Variants in CFAP20DC observed in about 807,000 individuals in gnomAD.
CFAP20DC encodes protein CFAP20DC.
Under a neutral mutation model 101.7 loss-of-function variants are expected in CFAP20DC, and 84 were observed. The observed-to-expected ratio is 0.83, with a 90% CI of 0.69 to 0.99. CFAP20DC has a LOEUF of 0.99. Ranked by LOEUF, CFAP20DC falls within the 50% of genes least tolerant of loss-of-function variation. The pLI, the probability that CFAP20DC is intolerant of heterozygous loss-of-function variation, is 0.00. For missense variants in CFAP20DC, 1,007 were observed against 970.3 expected, an observed-to-expected ratio of 1.04 and a Z score of -0.50; for synonymous variants, 359 against 351.2, an observed-to-expected ratio of 1.02 and a Z score of -0.25.
intron 4 of CFAP20DC, among the ~76,000 whole-genome samples, chr3:58,969,068 T>A (rs1360876915): frequency 6.6e-6 from 1 of 152,206 alleles, no homozygotes; most frequent in Non-Finnish European, 1.5e-5. Flanking sequence ...CTGGTCTGTG[T>A]GCCTGTTTTT....
Position 58,868,381 on chromosome 3 carries a change from T to C in CFAP20DC, c.1016-445A>G, listed in dbSNP as rs1458666052. On this transcript the variant is annotated intron_variant, in intron 9 of 16. Transcript: ENST00000482387. This position sits in a 1 kb window ranked among gnomAD's most constrained non-coding sequence, Gnocchi z 4.6. ...GTCAAGCTGAAGAAGAACTTCTAAG[T>C]ACGATTTAATTTAGCAATAATAATA... Among the ~76,000 whole-genome samples the C allele has an allele frequency of 6.6e-6, 1 of 152,110 alleles. No homozygotes were observed.
intron 5 of CFAP20DC, among the ~76,000 whole-genome samples, chr3:58,923,752 T>C (rs1004109707): frequency 6.6e-6 from 1 of 152,196 alleles, no homozygotes; most frequent in African/African-American, 2.4e-5. Context: ...GCTTATGATT[T>C]GTTGAGCTTA....
rs557645413 is a variant in CFAP20DC, at chr3:58,724,701, G to A, written c.198-7073C>T. Among the ~76,000 whole-genome samples, 5 of 152,110 alleles carry A rather than the reference G, an allele frequency of 3.3e-5. No homozygotes were observed. Among genetic ancestry groups the A allele is most frequent in the Non-Finnish European group, 7.3e-5 (5 of 68,030 alleles). ...TATAGCATGGAGACCAGAGCTCGGC[G>A]CCTTTTGCAGCCTCCATTTTGCAAC... is the stretch of plus-strand genomic sequence containing the variant. On this transcript the variant is annotated intron_variant, in intron 3 of 3. Coordinates refer to the CFAP20DC transcript ENST00000486145. This position sits in a 1 kb window ranked among gnomAD's most constrained non-coding sequence, Gnocchi z 5.6.
intron 15 of CFAP20DC, among the ~76,000 whole-genome samples, chr3:58,762,725 C>A (rs368140810): frequency 2.0e-5 from 3 of 152,182 alleles, no homozygotes; most frequent in African/African-American, 4.8e-5. Context: ...TCTTTTAGGG[C>A]AGACCTGGTG....
At chr3:58,875,809 A>T (rs1421709340) in intron 7 of CFAP20DC, among the ~76,000 whole-genome samples, 1 of 88,366 alleles carries the variant, frequency 1.1e-5, no homozygotes, top group Non-Finnish European at 2.1e-5. Flanking sequence ...TTTAGAAATC[A>T]TACACAGTTC....
intron 4 of CFAP20DC, among the ~76,000 whole-genome samples, chr3:59,037,524 G>A (rs560695107): frequency 4.1e-4 from 62 of 151,628 alleles, no homozygotes; most frequent in East Asian, 1.5e-3. Context: ...ACAAATATGC[G>A]AAAAAAAGCT....
Position 58,894,534 on chromosome 3 carries a change from G to A in CFAP20DC, c.551-9825C>T, listed in dbSNP as rs1404251283. On this transcript the variant is annotated intron_variant, in intron 6 of 16. Transcript: ENST00000482387. The surrounding 1 kb of genome is among the most constrained non-coding windows in gnomAD (Gnocchi z 4.1). ...CTGATGCAGAAGGTGGGTTCCTACG[G>A]CCTTTGGCAGCTCCACCCCTGTGGC... is the stretch of plus-strand genomic sequence containing the variant. 6.6e-6 allele frequency among the ~76,000 whole-genome samples: 1 copy of A among 152,206 alleles called. No individual in the cohort carries two copies. Among genetic ancestry groups the A allele is most frequent in the Non-Finnish European group, 1.5e-5 (1 of 68,034 alleles).
At chr3:58,870,882 G>A (rs370386945) in intron 7 of CFAP20DC, among the ~76,000 whole-genome samples, 1,083 of 96,724 alleles carry the variant, frequency 0.011, 18 homozygotes, top group African/African-American at 0.039. Flanking sequence ...GCGACAGAGC[G>A]AGACTCCGTC....
downstream of CFAP20DC, among the ~76,000 whole-genome samples, chr3:58,739,624 T>C (rs1255429283): frequency 1.3e-5 from 2 of 152,252 alleles, no homozygotes; most frequent in Non-Finnish European, 2.9e-5. Context: ...TTGGCATGGC[T>C]GGGGAGGTTT....
intron 12 of CFAP20DC, among the ~76,000 whole-genome samples, chr3:58,858,304 T>C (rs1698772532): frequency 6.6e-6 from 1 of 152,210 alleles, no homozygotes; most frequent in African/African-American, 2.4e-5. Context: ...CAATAGAGTT[T>C]GCCTGATTAA....
chr3:59,047,037 T>C, intron 2 of CFAP20DC, 128 bp downstream of exon 2: 1 of 640,192 alleles, frequency 1.6e-6, no homozygotes, highest in Non-Finnish European at 2.7e-6. Context: ...CAGCCAACAA[T>C]GTCATGAAAG....
At chr3:58,930,750 T>A (rs1483813971) in intron 5 of CFAP20DC, among the ~76,000 whole-genome samples, 1 of 152,196 alleles carries the variant, frequency 6.6e-6, no homozygotes, top group Non-Finnish European at 1.5e-5. Flanking sequence ...AAAAGTGGTA[T>A]AAAGTTTTCT....
chr3:58,887,110 A>T (rs889188014), intron 6 of CFAP20DC, among the ~76,000 whole-genome samples: 2 of 152,234 alleles, frequency 1.3e-5, no homozygotes, highest in Non-Finnish European at 2.9e-5. Flanking sequence ...ACTCATCAGC[A>T]ATGCAATGAT....
rs533584043 is a variant in CFAP20DC, at chr3:58,763,563, T to G, written c.2238-9700A>C. Among the ~76,000 whole-genome samples, 37 of 152,344 alleles carry G rather than the reference T, an allele frequency of 2.4e-4. No homozygotes were observed. The South Asian group carries it at 7.5e-3, about 31-fold the overall frequency. The stretch of plus-strand genomic sequence containing the variant: ...CGTCAAAGTCATTCTCCGTCCAGCT[T>G]TGTTCCGTTGCTGGTGAGAAGCTGC... On this transcript the variant is annotated intron_variant, in intron 15 of 16. Coordinates refer to ENST00000482387, the MANE Select transcript of CFAP20DC (RefSeq NM_001394063.1).
At chr3:59,047,059 G>T in intron 2 of CFAP20DC, 106 bp downstream of exon 2, 1 of 724,170 alleles carries the variant, frequency 1.4e-6, no homozygotes, top group Non-Finnish European at 2.3e-6. Flanking sequence ...GTTTTGGAGT[G>T]AAAGAACAGG....
chr3:58,772,642 C>G (rs1248846992), intron 15 of CFAP20DC, among the ~76,000 whole-genome samples: 1 of 152,120 alleles, frequency 6.6e-6, no homozygotes, highest in Non-Finnish European at 1.5e-5. Flanking sequence ...TTTATTACAG[C>G]ACTGTCTACA....
intron 7 of CFAP20DC, among the ~76,000 whole-genome samples, chr3:58,875,531 C>G (rs370871268): frequency 6.6e-6 from 1 of 152,118 alleles, no homozygotes; most frequent in Non-Finnish European, 1.5e-5. Flanking sequence ...CTTCCCTCTT[C>G]CAATCCTGGG....
intron 6 of CFAP20DC, among the ~76,000 whole-genome samples, chr3:58,898,325 T>A (rs2082844432): frequency 6.6e-6 from 1 of 151,994 alleles, no homozygotes; most frequent in Admixed American, 6.6e-5. Context: ...CGTAAGCGCA[T>A]CAGCATGCCC....
intron 4 of CFAP20DC, among the ~76,000 whole-genome samples, chr3:58,972,784 C>A (rs114331933): frequency 1.3e-5 from 2 of 152,070 alleles, no homozygotes; most frequent in Non-Finnish European, 2.9e-5. Flanking sequence ...AGTGTTTACA[C>A]GAGTTATATT....
Sources: allele counts gnomAD v4.1 joint callset (sites outside exome capture counted in the v4.1 genomes callset), GRCh38; gene constraint gnomAD v4.1.1; non-coding constraint Gnocchi (gnomAD v3.1); transcripts MANE v1.5; gene names NCBI Gene and HGNC (gene_info 2026-07-23, HGNC 2026-07-21).